The following MTSS1 variants were observed in gnomAD, a reference collection of about 807,000 sequenced individuals.
MTSS1 encodes MTSS I-BAR domain containing 1.
MTSS1 carries 18 observed loss-of-function variants against 79.0 expected under a neutral mutation model. The ratio of observed to expected loss-of-function variants is 0.23; its 90% CI spans 0.16 to 0.34. The LOEUF (loss-of-function observed/expected upper bound fraction) is 0.34, where lower values mean the gene tolerates loss of function less well. Ranked by LOEUF, MTSS1 falls within the 10% of genes least tolerant of loss-of-function variation. The pLI, the probability that MTSS1 is intolerant of heterozygous loss-of-function variation, is 1.00. For missense variants in MTSS1, 815 were observed against 986.2 expected (o/e 0.83, Z 2.33); for synonymous variants, 341 against 368.6 (o/e 0.93, Z 0.86).
At chr8:124,725,925 C>T (rs1156718822) in intron 1 of MTSS1, among the ~76,000 whole-genome samples, 1 of 152,070 alleles carries the variant, frequency 6.6e-6, no homozygotes, top group Non-Finnish European at 1.5e-5. Flanking sequence ...GAACCCAAGG[C>T]ATGTTTTAGT....
intron 3 of MTSS1, among the ~76,000 whole-genome samples, chr8:124,652,633 A>G (rs1820181371): frequency 6.6e-6 from 1 of 152,126 alleles, no homozygotes; most frequent in Non-Finnish European, 1.5e-5. Flanking sequence ...CGTCTCTACT[A>G]AAAATATAAA....
intron 3 of MTSS1, among the ~76,000 whole-genome samples, chr8:124,617,212 C>T (rs765141976): frequency 2.0e-5 from 3 of 152,104 alleles, no homozygotes; most frequent in Non-Finnish European, 4.4e-5. Flanking sequence ...TTCAGGCAGG[C>T]GGGGCAACTC....
rs1822449445 is a variant in MTSS1, at chr8:124,551,100, AC to A, written c.*1891del. ...ATTCAGATTATACTAACGTTTAAAAACTAAACAAGTGAAAAGCTGTACCAAG... is the reference window on the plus strand; with the variant it reads ...ATTCAGATTATACTAACGTTTAAAAATAAACAAGTGAAAAGCTGTACCAAG... On this transcript the variant is annotated 3_prime_UTR_variant, in exon 14 of 14. Transcript: ENST00000518547. 1 of 152,720 alleles carries A rather than the reference AC, an allele frequency of 6.5e-6. No individual in the cohort carries two copies. The highest frequency in any genetic ancestry group is 1.9e-4 in the East Asian group (1 of 5,190). The allele number at this position is 152,720 out of a possible 1,614,324, so 9.5% of individuals were successfully genotyped here.
chr8:124,653,522 G>A (rs1161246420), intron 3 of MTSS1, among the ~76,000 whole-genome samples: 1 of 152,142 alleles, frequency 6.6e-6, no homozygotes, highest in Non-Finnish European at 1.5e-5. Flanking sequence ...CCAGGAATTC[G>A]AGACCAGCCT....
chr8:124,574,548 A>G (rs889194558), intron 6 of MTSS1, among the ~76,000 whole-genome samples: 13 of 152,270 alleles, frequency 8.5e-5, no homozygotes, highest in Middle Eastern at 6.8e-3. Context: ...GCAAACATGA[A>G]TGCTGGGAAC....
chr8:124,589,740 G>A, intron 4 of MTSS1, 29 bp from the exon 5 acceptor site: 3 of 1,405,166 alleles, frequency 2.1e-6, no homozygotes, highest in South Asian at 2.3e-5. Context: ...GAAAAAGGGA[G>A]AAATTAAATA....
At chr8:124,554,391 CT>C (rs1823129828) in intron 13 of MTSS1, among the ~76,000 whole-genome samples, 1 of 151,726 alleles carries the variant, frequency 6.6e-6, no homozygotes, top group African/African-American at 2.4e-5. Flanking sequence ...CCTGTGCCCA[CT>C]AGATGCCAAT....
intron 3 of MTSS1, among the ~76,000 whole-genome samples, chr8:124,615,414 G>T (rs927532099): frequency 6.6e-6 from 1 of 152,156 alleles, no homozygotes; most frequent in Non-Finnish European, 1.5e-5. Flanking sequence ...CCTGACACAG[G>T]CTCCAACACT....
chr8:124,723,090 T>C (rs577282416), intron 1 of MTSS1, among the ~76,000 whole-genome samples: 1 of 152,340 alleles, frequency 6.6e-6, no homozygotes, highest in East Asian at 1.9e-4. Flanking sequence ...TCCTTTTCCC[T>C]GTGGCTGAGG....
rs766876215 is a variant in MTSS1 at position 124,589,725 on chromosome 8, G to C, written c.294-14C>G. ...TCAATTAAAGCGCTTTTACCAAGCG[G>C]GGGGGAAAAAGGGAGAAATTAAATA... On this transcript the variant is annotated splice_polypyrimidine_tract_variant and intron_variant, in intron 4 of 13. Coordinates refer to ENST00000518547, the MANE Select transcript of MTSS1 (RefSeq NM_014751.6). The C allele has an allele frequency of 6.4e-7, 1 of 1,568,554 alleles. No individual in the cohort carries two copies. The highest frequency in any genetic ancestry group is 8.7e-7 in the Non-Finnish European group (1 of 1,144,968).
rs1833894758 is a variant in MTSS1, at chr8:124,727,503, C to T, written c.72+381G>A. ...CCGCGCCAGGCGCCCCCACCCCGTG[C>T]CCGGAGGAATCAGGTGTCCTCCCGG... is the stretch of plus-strand genomic sequence containing the variant. On this transcript the variant is annotated intron_variant, in intron 1 of 13. Transcript: ENST00000518547. The surrounding 1 kb of genome is among the most constrained non-coding windows in gnomAD (Gnocchi z 4.7). 2.2e-6 allele frequency: 1 copy of T among 462,444 alleles called. No individual in the cohort carries two copies. 28.6% of individuals were successfully genotyped at this position (462,444 alleles called of 1,614,324 possible).
intron 3 of MTSS1, among the ~76,000 whole-genome samples, chr8:124,658,212 T>C (rs1821324653): frequency 6.6e-6 from 1 of 152,180 alleles, no homozygotes; most frequent in Non-Finnish European, 1.5e-5. Context: ...ATAATTCCCA[T>C]GTATTGTGGG....
chr8:124,655,912 G>C (rs1820847922), intron 3 of MTSS1, among the ~76,000 whole-genome samples: 1 of 152,106 alleles, frequency 6.6e-6, no homozygotes, highest in Non-Finnish European at 1.5e-5. Flanking sequence ...AGAGTTCAGG[G>C]GAACAGAAGC....
At chr8:124,721,165 A>G (rs1017453128) in intron 1 of MTSS1, among the ~76,000 whole-genome samples, 4 of 152,158 alleles carry the variant, frequency 2.6e-5, no homozygotes, top group African/African-American at 4.8e-5. Context: ...CTAGCCATAC[A>G]CGGCTATTTA....
chr8:124,650,867 G>A (rs999660144), intron 3 of MTSS1, among the ~76,000 whole-genome samples: 2 of 152,140 alleles, frequency 1.3e-5, no homozygotes, highest in South Asian at 2.1e-4. Context: ...TGTATGGCCC[G>A]GATTCAAATT....
intron 3 of MTSS1, among the ~76,000 whole-genome samples, chr8:124,619,101 G>A (rs1812958948): frequency 6.6e-6 from 1 of 152,256 alleles, no homozygotes; most frequent in African/African-American, 2.4e-5. Context: ...AGGCAGAACT[G>A]TAAGTGTTCT....
chr8:124,565,872 A>G, intron 8 of MTSS1, 113 bp from the exon 9 acceptor site: 1 of 815,848 alleles, frequency 1.2e-6, no homozygotes. Flanking sequence ...GGTGGGAATG[A>G]AAGCAAAACA....
At chr8:124,573,131 G>A (rs1454899796) in intron 6 of MTSS1, among the ~76,000 whole-genome samples, 1 of 152,176 alleles carries the variant, frequency 6.6e-6, no homozygotes, top group East Asian at 1.9e-4. Context: ...TCCTTAACAT[G>A]GCCTGCCCTG....
chr8:124,602,508 G>T (rs1049024966), intron 3 of MTSS1, among the ~76,000 whole-genome samples: 1 of 152,054 alleles, frequency 6.6e-6, no homozygotes, highest in African/African-American at 2.4e-5. Context: ...CCTCATAATG[G>T]TTTAAGAAAG....
Sources: gnomAD v4.1 joint callset for allele counts (sites outside exome capture counted in the v4.1 genomes callset) on GRCh38, gnomAD v4.1.1 for gene constraint, Gnocchi (gnomAD v3.1) non-coding constraint, MANE v1.5 for transcripts, NCBI Gene and HGNC (gene_info 2026-07-23, HGNC 2026-07-21) for gene names.